The following LRRTM4 variants were observed in gnomAD, a reference collection of about 807,000 sequenced individuals.
LRRTM4 encodes the protein leucine-rich repeat transmembrane neuronal protein 4.
Under a neutral mutation model 47.6 loss-of-function variants are expected in LRRTM4, and 25 were observed. That is an observed-to-expected ratio of 0.53 (90% CI 0.38 to 0.73). The LOEUF (loss-of-function observed/expected upper bound fraction) is 0.73. Among genes scored for constraint, LRRTM4 ranks in the 30% least tolerant of loss-of-function variants. LRRTM4 has a pLI of 0.00. For synonymous variants in LRRTM4, 311 were observed against 269.5 expected, an observed-to-expected ratio of 1.15 and a Z score of -1.51; for missense variants, 638 against 713.4, an observed-to-expected ratio of 0.89 and a Z score of 1.20.
intron 3 of LRRTM4, among the ~76,000 whole-genome samples, chr2:76,899,311 CCACACACACACACACACACACACACA>C (rs34031809): frequency 1.5e-5 from 2 of 136,414 alleles, no homozygotes; most frequent in Admixed American, 7.6e-5. Context: ...GACTAATAAA[CCACACACACACACACACACACACACA>C]CACACACACA....
At chr2:77,039,645 A>G (rs955998619) in intron 3 of LRRTM4, among the ~76,000 whole-genome samples, 61 of 151,290 alleles carry the variant, frequency 4.0e-4, no homozygotes, top group African/African-American at 1.3e-3. Context: ...TTTATACCAT[A>G]TCAAATATTA....
rs1412194303 is a variant in LRRTM4, at chr2:77,477,812, C to A, written c.1551+40506G>T. Among the ~76,000 whole-genome samples, 3 of 134,818 alleles carry A rather than the reference C, an allele frequency of 2.2e-5. 1 individual carries two copies. The highest frequency in any genetic ancestry group is 8.4e-5 in the African/African-American group (3 of 35,602). 88.4% of individuals were successfully genotyped at this position (134,818 alleles called of 152,430 possible). On this transcript the variant is annotated intron_variant, in intron 3 of 3. Transcript: ENST00000409884. ...CCAGATCGCACCATCACACTCCAGC[C>A]TGCGCAACAAGGCTGGAGCAAAACT...
At chr2:77,331,576 T>C (rs768928658) in intron 3 of LRRTM4, among the ~76,000 whole-genome samples, 3 of 152,154 alleles carry the variant, frequency 2.0e-5, no homozygotes, top group Non-Finnish European at 4.4e-5. Flanking sequence ...TAAATGAAAA[T>C]AGTGAAGTTC....
intron 3 of LRRTM4, among the ~76,000 whole-genome samples, chr2:76,814,776 A>C (rs1408582752): frequency 6.6e-6 from 1 of 151,666 alleles, no homozygotes; most frequent in East Asian, 1.9e-4. Flanking sequence ...CAATAGCAAT[A>C]CTAAAATGGC....
intron 3 of LRRTM4, among the ~76,000 whole-genome samples, chr2:77,248,199 A>C (rs1051772099): frequency 1.3e-5 from 2 of 151,454 alleles, no homozygotes; most frequent in Non-Finnish European, 3.0e-5. Flanking sequence ...TAATATATGA[A>C]TACAAAATAA....
chr2:77,449,828 A>G (rs1182877228), intron 3 of LRRTM4, among the ~76,000 whole-genome samples: 1 of 152,220 alleles, frequency 6.6e-6, no homozygotes, highest in Non-Finnish European at 1.5e-5. Flanking sequence ...GGATGCTACT[A>G]CTGACAATGT....
intron 3 of LRRTM4, among the ~76,000 whole-genome samples, chr2:77,023,389 G>A (rs1465648914): frequency 1.3e-5 from 2 of 152,178 alleles, no homozygotes; most frequent in Admixed American, 6.6e-5. Context: ...ATTCAGCACT[G>A]TGTCACTTAT....
intron 3 of LRRTM4, among the ~76,000 whole-genome samples, chr2:77,399,859 C>T (rs73941278): frequency 0.026 from 3,966 of 151,894 alleles, 191 homozygotes; most frequent in African/African-American, 0.091. Flanking sequence ...AATCTTTTTG[C>T]TCCCTCCTCA....
intron 3 of LRRTM4, among the ~76,000 whole-genome samples, chr2:76,960,935 C>T (rs4853285): frequency 0.14 from 20,610 of 151,264 alleles, 1,743 homozygotes; most frequent in Admixed American, 0.21. Context: ...CACTGTGCTA[C>T]CAATGTGTGG....
At chr2:77,379,521 C>A (rs780585077) in intron 3 of LRRTM4, among the ~76,000 whole-genome samples, 8 of 152,074 alleles carry the variant, frequency 5.3e-5, no homozygotes, top group Non-Finnish European at 1.0e-4. Context: ...AATTCAATCT[C>A]CCTCACTAGT....
In LRRTM4 at chr2:77,155,840, T is replaced by C. The variant is rs184259986; in HGVS notation, c.1551+362478A>G. ...ATTGTATTGCAGAGTAGAGTGACTA[T>C]GGTTAACAGTAAAAAATATCTATCA... On this transcript the variant is annotated intron_variant, in intron 3 of 3. Transcript: ENST00000409884. Among the ~76,000 whole-genome samples, 25 of 152,246 alleles carry C rather than the reference T, an allele frequency of 1.6e-4. No individual in the cohort carries two copies. The East Asian group carries it at 4.6e-3, about 28-fold the overall frequency.
chr2:77,017,203 G>A (rs1302481003), intron 3 of LRRTM4, among the ~76,000 whole-genome samples: 1 of 152,052 alleles, frequency 6.6e-6, no homozygotes, highest in African/African-American at 2.4e-5. Flanking sequence ...ATCCAAGGTG[G>A]CAAAGACATT....
chr2:76,928,398 G>A (rs1468873197), intron 3 of LRRTM4, among the ~76,000 whole-genome samples: 1 of 152,146 alleles, frequency 6.6e-6, no homozygotes, highest in Non-Finnish European at 1.5e-5. Flanking sequence ...AGGCTGAGAT[G>A]TAAAGACTTT....
chr2:77,207,287 TGTATATATATAC>T (rs1179394896), intron 3 of LRRTM4, among the ~76,000 whole-genome samples: 2 of 146,748 alleles, frequency 1.4e-5, no homozygotes, highest in Non-Finnish European at 3.0e-5. Flanking sequence ...TATATGTGTG[TGTATATATATAC>T]GTATATATAC....
intron 3 of LRRTM4, among the ~76,000 whole-genome samples, chr2:77,043,303 G>C (rs143940853): frequency 6.6e-6 from 1 of 151,740 alleles, no homozygotes; most frequent in East Asian, 1.9e-4. Flanking sequence ...TTTCTTCAGC[G>C]TGCTTAAATT....
At position 77,415,216 on chromosome 2, in the gene LRRTM4, C is replaced by G. The variant is rs115701917; in HGVS notation, c.1551+103102G>C. On this transcript the variant is annotated intron_variant, in intron 3 of 3. Transcript: ENST00000409884. ...GAATATTTTTGGGAAAATAATACTTCTACATACAATTCTGATAATGGAAGA... is the reference window on the plus strand; with the variant it reads ...GAATATTTTTGGGAAAATAATACTTGTACATACAATTCTGATAATGGAAGA... Among the ~76,000 whole-genome samples the G allele has an allele frequency of 3.4e-3, 525 of 152,214 alleles. 4 individuals carry two copies. The highest frequency in any genetic ancestry group is 0.012 in the African/African-American group (495 of 41,550).
intron 3 of LRRTM4, among the ~76,000 whole-genome samples, chr2:77,268,943 G>A (rs1012573300): frequency 6.6e-6 from 1 of 152,080 alleles, no homozygotes; most frequent in Non-Finnish European, 1.5e-5. Context: ...TAAGCTCCAC[G>A]GCAGGGCCCA....
At chr2:77,420,508 T>C (rs1458706988) in intron 3 of LRRTM4, among the ~76,000 whole-genome samples, 1 of 151,938 alleles carries the variant, frequency 6.6e-6, no homozygotes, top group East Asian at 1.9e-4. Context: ...GTTAGTATCA[T>C]TGGGTATTAA....
intron 3 of LRRTM4, among the ~76,000 whole-genome samples, chr2:77,352,195 T>G (rs920676630): frequency 6.6e-6 from 1 of 152,180 alleles, no homozygotes; most frequent in African/African-American, 2.4e-5. Context: ...ACCTTCCATT[T>G]TATTGAATAA....
Sources: gnomAD v4.1 joint callset for allele counts (sites outside exome capture counted in the v4.1 genomes callset) on GRCh38, gnomAD v4.1.1 for gene constraint, MANE v1.5 for transcripts, NCBI Gene and HGNC (gene_info 2026-07-23, HGNC 2026-07-21) for gene names.